Variants in ARMC3 observed in about 807,000 individuals in gnomAD.
ARMC3 encodes armadillo repeat-containing protein 3.
In ARMC3, 74 loss-of-function variants were observed where a neutral mutation model predicts 90.3. The observed-to-expected ratio is 0.82, with a 90% confidence interval of 0.68 to 0.99. ARMC3 has a LOEUF of 0.99. Among genes scored for constraint, ARMC3 ranks in the 50% least tolerant of loss-of-function variants. ARMC3 has a pLI of 0.00. For synonymous variants in ARMC3, 334 were observed against 361.8 expected (o/e 0.92, Z 0.87); for missense variants, 958 against 1,042.8 (o/e 0.92, Z 1.12).
Position 23,012,634 on chromosome 10 carries a change from C to T in ARMC3, c.2045+3703C>T, listed in dbSNP as rs542590707. On this transcript the variant is annotated intron_variant, in intron 16 of 18. Coordinates refer to ENST00000298032, the MANE Select transcript of ARMC3 (RefSeq NM_173081.5). Reference sequence around the variant, plus strand: ...TTAATCATATTCCCATACAATCACCCATGCCTAGGAACCATCTTGAAGTCC... The same window carrying T: ...TTAATCATATTCCCATACAATCACCTATGCCTAGGAACCATCTTGAAGTCC... Among the ~76,000 whole-genome samples, 60 of 152,250 alleles carry T rather than the reference C, an allele frequency of 3.9e-4. 1 individual carries two copies. The South Asian group carries it at 0.011, about 28-fold the overall frequency.
intron 1 of ARMC3, among the ~76,000 whole-genome samples, 197 bp downstream of exon 1, chr10:22,928,303 A>C (rs1255683428): frequency 6.6e-6 from 1 of 152,176 alleles, no homozygotes; most frequent in Non-Finnish European, 1.5e-5. Context: ...GCCACCTCCC[A>C]TTCAACAGGT....
intron 2 of ARMC3, among the ~76,000 whole-genome samples, chr10:22,936,626 G>T (rs1588807351): frequency 6.6e-6 from 1 of 152,124 alleles, no homozygotes; most frequent in Admixed American, 6.5e-5. Flanking sequence ...CAATGAGCTT[G>T]TTGGTGACTG....
chr10:22,934,107 A>C (rs530803491), intron 2 of ARMC3, among the ~76,000 whole-genome samples: 3 of 152,192 alleles, frequency 2.0e-5, no homozygotes, highest in Non-Finnish European at 4.4e-5. Context: ...AAATATAACT[A>C]CTTAAGAAAA....
intron 16 of ARMC3, among the ~76,000 whole-genome samples, chr10:23,018,547 C>T (rs1240301147): frequency 3.1e-5 from 4 of 127,574 alleles, no homozygotes; most frequent in African/African-American, 1.2e-4. Context: ...GACGGAGTCT[C>T]GCACTGTCAC....
At chr10:22,998,512 C>G (rs548177880) in intron 11 of ARMC3, 115 bp downstream of exon 11, 1 of 1,359,870 alleles carries the variant, frequency 7.4e-7, no homozygotes, top group Non-Finnish European at 9.9e-7. Flanking sequence ...CCTTCAAAAC[C>G]GGTAAAACAG....
chr10:22,968,484 A>G lies in ARMC3; in HGVS notation c.911A>G (p.Tyr304Cys). 6.3e-7 allele frequency: 1 copy of G among 1,576,126 alleles called. No individual in the cohort carries two copies. Among genetic ancestry groups the G allele is most frequent in the Non-Finnish European group, 8.6e-7 (1 of 1,165,364 alleles). ...GCAAAAGCCATTACTAAAGCAGCTT[A>G]TGATCGTATGTCTCATTTTATTTTA... ...NAAKAITKAA[Y>C]DPENRKLFHE... Residue 304 changes from tyrosine to cysteine, a missense_variant, in exon 8 of 19, where the codon TAT (tyrosine) becomes TGT (cysteine). Coordinates refer to ENST00000298032, the MANE Select transcript of ARMC3 (RefSeq NM_173081.5).
Position 23,008,813 on chromosome 10 carries a change from A to G in ARMC3, c.1929-2A>G. 1 of 1,607,116 alleles carries G rather than the reference A, an allele frequency of 6.2e-7. No individual in the cohort carries two copies. Among genetic ancestry groups the G allele is most frequent in the Non-Finnish European group, 8.5e-7 (1 of 1,175,396 alleles). ...GGTTGTGGTTTTTTTTCAAATGACA[A>G]GAAAAAATAGTTATCATTTTAGTGC... On this transcript the variant is annotated splice_acceptor_variant, in intron 15 of 18. Coordinates refer to ENST00000298032, the MANE Select transcript of ARMC3 (RefSeq NM_173081.5). LOFTEE classifies it high-confidence loss of function.
At chr10:22,983,314 A>C (rs1402456003) in intron 10 of ARMC3, among the ~76,000 whole-genome samples, 1 of 152,166 alleles carries the variant, frequency 6.6e-6, no homozygotes, top group Non-Finnish European at 1.5e-5. Context: ...GATGGTAAGT[A>C]GTTCTAAAAG....
chr10:22,996,622 G>C (rs1205420619), intron 10 of ARMC3, among the ~76,000 whole-genome samples: 1 of 152,164 alleles, frequency 6.6e-6, no homozygotes, highest in African/African-American at 2.4e-5. Flanking sequence ...GGTCCTGCGA[G>C]GGTGACACCA....
At chr10:22,959,041 A>C (rs1835078844) in intron 4 of ARMC3, 29 bp from the exon 5 acceptor site, 1 of 1,504,064 alleles carries the variant, frequency 6.6e-7, no homozygotes, top group Non-Finnish European at 9.3e-7. Flanking sequence ...TTATTAATAA[A>C]CATCAATACT....
At chr10:23,011,321 C>A (rs1414907999) in intron 16 of ARMC3, among the ~76,000 whole-genome samples, 2 of 152,126 alleles carry the variant, frequency 1.3e-5, no homozygotes, top group East Asian at 3.8e-4. Context: ...AATGGGTTAC[C>A]TTCTCTTTGT....
chr10:22,938,579 G>C (rs60322907), intron 2 of ARMC3, among the ~76,000 whole-genome samples: 6,715 of 152,198 alleles, frequency 0.044, 504 homozygotes, highest in African/African-American at 0.15. Context: ...AAGAAGATGA[G>C]ATGTGGCCAG....
chr10:23,032,987 A>G lies in ARMC3; in HGVS notation c.2373A>G (p.Lys791=), dbSNP rs1189058510. 2 of 1,612,912 alleles carry G rather than the reference A, an allele frequency of 1.2e-6. No individual in the cohort carries two copies. Among genetic ancestry groups the G allele is most frequent in the African/African-American group, 2.7e-5 (2 of 74,864 alleles). Residue 791 remains lysine (K), a synonymous_variant, in exon 18 of 19, where the codon AAA becomes AAG. Transcript: ENST00000298032. ...KSNVIPIGHV[K]KGIFYHRALL... ...ATGTTATACCGATTGGACATGTCAA[A>G]AAAGGAATCTTCTACCATCGAGCTT...
intron 7 of ARMC3, among the ~76,000 whole-genome samples, 182 bp downstream of exon 7, chr10:22,962,260 A>T (rs1287919734): frequency 2.0e-5 from 3 of 152,318 alleles, no homozygotes; most frequent in African/African-American, 7.2e-5. Context: ...AACTAATTTT[A>T]AAAATCTTCT....
Position 23,013,473 on chromosome 10 carries a change from C to T in ARMC3, c.2045+4542C>T, listed in dbSNP as rs529125530. Among the ~76,000 whole-genome samples the T allele has an allele frequency of 5.9e-5, 9 of 152,138 alleles. No individual in the cohort carries two copies. The East Asian group carries it at 9.7e-4, about 16-fold the overall frequency. ...TAGCTATAGTTTTTTCTCACTTTAT[C>T]GAGGCTTAATTGACAAATGAATTAT... On this transcript the variant is annotated intron_variant, in intron 16 of 18. Transcript: ENST00000298032.
chr10:22,987,779 CTTTTTAT>C (rs1294670327), intron 10 of ARMC3, among the ~76,000 whole-genome samples: 1 of 152,118 alleles, frequency 6.6e-6, no homozygotes, highest in Non-Finnish European at 1.5e-5. Context: ...CATTTCTTTG[CTTTTTAT>C]TTTTTATTTT....
chr10:23,038,154 C>T lies in ARMC3; in HGVS notation c.*675C>T, dbSNP rs1221789698. ...AAAACAATTCTGATTTGCTCTTCCA[C>T]ATTTTAATGCTGGGCCATTAATATA... On this transcript the variant is annotated 3_prime_UTR_variant, in exon 19 of 19. Coordinates refer to ENST00000298032, the MANE Select transcript of ARMC3 (RefSeq NM_173081.5). 6.6e-6 allele frequency: 1 copy of T among 152,168 alleles called. No individual in the cohort carries two copies. Among genetic ancestry groups the T allele is most frequent in the Non-Finnish European group, 1.5e-5 (1 of 68,034 alleles). The allele number at this position is 152,168 out of a possible 1,614,324, so 9.4% of individuals were successfully genotyped here. A position where few individuals can be genotyped will look rare whatever the true frequency, so the allele number is the denominator to read the frequency against.
At chr10:22,969,777 T>C (rs1301287595) in intron 8 of ARMC3, among the ~76,000 whole-genome samples, 1 of 152,202 alleles carries the variant, frequency 6.6e-6, no homozygotes, top group African/African-American at 2.4e-5. Context: ...ATGCCAAACC[T>C]GAAATGTTTG....
intron 7 of ARMC3, 38 bp from the exon 8 acceptor site, chr10:22,968,268 G>A (rs1427378660): frequency 6.4e-7 from 1 of 1,563,936 alleles, no homozygotes; most frequent in South Asian, 1.1e-5. Context: ...GTACATTTTA[G>A]TACAACTTTC....
Sources: gnomAD v4.1 joint callset for allele counts (sites outside exome capture counted in the v4.1 genomes callset) on GRCh38, gnomAD v4.1.1 for gene constraint, MANE v1.5 for transcripts, NCBI Gene and HGNC (gene_info 2026-07-23, HGNC 2026-07-21) for gene names.